Variants in PLCG2 observed in about 807,000 individuals in gnomAD.
The protein encoded by PLCG2 is 1-phosphatidylinositol 4,5-bisphosphate phosphodiesterase gamma-2.
In PLCG2, 69 loss-of-function variants were observed where a neutral mutation model predicts 175.6. The observed-to-expected ratio is 0.39, with a 90% CI of 0.32 to 0.48. The LOEUF is 0.48. Among genes scored for constraint, PLCG2 ranks in the 20% least tolerant of loss-of-function variants. The pLI is 0.91. For synonymous variants in PLCG2, 827 were observed against 624.0 expected (o/e 1.33, Z -4.85); for missense variants, 1,798 against 1,650.9 (o/e 1.09, Z -1.54).
intron 2 of PLCG2, among the ~76,000 whole-genome samples, chr16:81,756,244 G>T (rs1292943445): frequency 2.0e-5 from 3 of 152,222 alleles, no homozygotes; most frequent in Admixed American, 6.5e-5. Context: ...CTGGCAAGTG[G>T]CCACTGCCCC....
intron 7 of PLCG2, among the ~76,000 whole-genome samples, chr16:81,871,348 G>A (rs1297394483): frequency 2.0e-5 from 3 of 152,156 alleles, no homozygotes; most frequent in Admixed American, 6.5e-5. Flanking sequence ...ACGTTTGTTT[G>A]TTTGTTTTGA....
At chr16:81,862,909 G>A (rs1407976654) in intron 5 of PLCG2, among the ~76,000 whole-genome samples, 6 of 151,952 alleles carry the variant, frequency 3.9e-5, no homozygotes, top group African/African-American at 1.2e-4. Context: ...CAAAAACAAC[G>A]AAAATAAAAA....
chr16:81,805,757 GTTTTGTTTTGTTTT>G (rs1162364115), intron 2 of PLCG2, among the ~76,000 whole-genome samples: 3 of 60,216 alleles, frequency 5.0e-5, no homozygotes, highest in African/African-American at 2.3e-4. Flanking sequence ...TGAGAGTAGT[GTTTTGTTTTGTTTT>G]TTTTTTTTTT....
intron 1 of PLCG2, among the ~76,000 whole-genome samples, chr16:81,745,441 C>T (rs969004748): frequency 5.9e-5 from 9 of 152,186 alleles, no homozygotes; most frequent in Admixed American, 4.6e-4. Flanking sequence ...ATCCAAACAA[C>T]GACTATAACT....
intron 2 of PLCG2, among the ~76,000 whole-genome samples, chr16:81,825,401 G>T (rs1470157500): frequency 1.4e-5 from 2 of 146,966 alleles, no homozygotes; most frequent in African/African-American, 5.1e-5. Flanking sequence ...CCATTCTCTT[G>T]CTTCAGCTTC....
At chr16:81,843,274 C>T (rs956332421) in intron 2 of PLCG2, among the ~76,000 whole-genome samples, 7 of 152,194 alleles carry the variant, frequency 4.6e-5, no homozygotes, top group Non-Finnish European at 1.5e-5. Flanking sequence ...CTCCTTCTCA[C>T]TAGTAGTGCC....
chr16:81,954,503 C>T lies in PLCG2; in HGVS notation c.3571-2192C>T, dbSNP rs78717038. Among the ~76,000 whole-genome samples the T allele has an allele frequency of 7.2e-3, 1,093 of 152,296 alleles. 9 individuals carry two copies. The highest frequency in any genetic ancestry group is 0.014 in the Middle Eastern group (4 of 294). On this transcript the variant is annotated intron_variant, in intron 31 of 32. Transcript: ENST00000564138. The stretch of plus-strand genomic sequence containing the variant: ...TTTAAGTCCCACATGCATTCCCCAT[C>T]CGCCAACTAGCCATGGTGTGTGTTG...
At position 81,919,630 on chromosome 16, in the gene PLCG2, C is replaced by T. The variant is rs199516791; in HGVS notation, c.2201C>T (p.Pro734Leu). ...SLYRKMRLRY[P>L]VTPELLERYN... ...TACCGAAAGATGAGACTGCGCTACC[C>T]CGTGACCCCCGAGCTCCTGGAGCGC... Residue 734 changes from proline to leucine, a missense_variant, in exon 20 of 33, where the codon CCC becomes CTC. Transcript: ENST00000564138. 2.2e-5 allele frequency: 35 copies of T among 1,613,944 alleles called. No individual in the cohort carries two copies. The highest frequency in any genetic ancestry group is 3.4e-6 in the Non-Finnish European group (4 of 1,179,988).
chr16:81,940,856 T>C (rs1288739349), intron 30 of PLCG2, among the ~76,000 whole-genome samples: 1 of 152,206 alleles, frequency 6.6e-6, no homozygotes, highest in Non-Finnish European at 1.5e-5. Flanking sequence ...TCCCACTGGA[T>C]TTTAGGTATA....
intron 2 of PLCG2, among the ~76,000 whole-genome samples, chr16:81,792,943 C>G (rs1244727821): frequency 6.6e-6 from 1 of 152,110 alleles, no homozygotes; most frequent in Non-Finnish European, 1.5e-5. Context: ...CCATATCTGT[C>G]AAGTGAGATA....
chr16:81,849,956 A>C (rs547717602), intron 2 of PLCG2, among the ~76,000 whole-genome samples: 142 of 152,332 alleles, frequency 9.3e-4, no homozygotes, highest in African/African-American at 3.3e-3. Context: ...AATACCTTTC[A>C]AGTTTTTAGA....
Position 81,740,008 on chromosome 16 carries a change from C to G in PLCG2, c.-145+623C>G, listed in dbSNP as rs189905034. On this transcript the variant is annotated intron_variant, in intron 1 of 5. Transcript: ENST00000565054. ...CAAAAATTAGCTGTGTGTGGTGGCC[C>G]ATGCCTGCAATCACAGTTACTCGGG... Among the ~76,000 whole-genome samples, 23 of 151,904 alleles carry G rather than the reference C, an allele frequency of 1.5e-4. No homozygotes were observed. The East Asian group carries it at 2.9e-3, about 19-fold the overall frequency.
At position 81,838,745 on chromosome 16, in the gene PLCG2, C is replaced by T. The variant is rs977893362; in HGVS notation, c.194-15699C>T. The stretch of plus-strand genomic sequence containing the variant: ...GCCTATGTAACAAACCTGCACGTTC[C>T]GCACATGTATCCCAGAACTTAAAGT... On this transcript the variant is annotated intron_variant, in intron 2 of 32. Transcript: ENST00000564138. 1.1e-4 allele frequency among the ~76,000 whole-genome samples: 17 copies of T among 149,640 alleles called. 1 individual carries two copies. Among genetic ancestry groups the T allele is most frequent in the African/African-American group, 3.2e-4 (13 of 40,538 alleles).
At chr16:81,747,091 G>A (rs1312022901) in intron 1 of PLCG2, among the ~76,000 whole-genome samples, 1 of 152,100 alleles carries the variant, frequency 6.6e-6, no homozygotes, top group Non-Finnish European at 1.5e-5. Context: ...CAGTACTAGC[G>A]ATAGTATTAA....
intron 15 of PLCG2, among the ~76,000 whole-genome samples, chr16:81,906,634 G>T (rs1159243231): frequency 6.6e-6 from 1 of 152,158 alleles, no homozygotes; most frequent in Non-Finnish European, 1.5e-5. Context: ...ATGTTGGCCA[G>T]GCTGGTCTTG....
intron 2 of PLCG2, among the ~76,000 whole-genome samples, chr16:81,817,898 C>T (rs1415187607): frequency 6.6e-6 from 1 of 152,188 alleles, no homozygotes; most frequent in Non-Finnish European, 1.5e-5. Context: ...TCTCACGTTC[C>T]TTACTGTTTC....
intron 7 of PLCG2, among the ~76,000 whole-genome samples, chr16:81,874,927 T>A (rs1907693548): frequency 6.7e-6 from 1 of 148,858 alleles, no homozygotes; most frequent in Non-Finnish European, 1.5e-5. Context: ...GGTGGACTAT[T>A]TGCTAGGCAC....
chr16:81,847,044 A>G (rs1275337925), intron 2 of PLCG2, among the ~76,000 whole-genome samples: 1 of 152,216 alleles, frequency 6.6e-6, no homozygotes, highest in Admixed American at 6.5e-5. Flanking sequence ...GTCCCATTTC[A>G]GGTGCCAGTC....
chr16:81,778,067 A>AC (rs1567457950), upstream of PLCG2, among the ~76,000 whole-genome samples: 11 of 118,592 alleles, frequency 9.3e-5, no homozygotes, highest in African/African-American at 1.8e-4. Flanking sequence ...AAAAAAACCA[A>AC]AAACACACAC....
Sources: gnomAD v4.1 joint callset for allele counts (sites outside exome capture counted in the v4.1 genomes callset) on GRCh38, gnomAD v4.1.1 for gene constraint, MANE v1.5 for transcripts, NCBI Gene and HGNC (gene_info 2026-07-23, HGNC 2026-07-21) for gene names.